The following CADPS variants were observed in gnomAD, a reference collection of about 807,000 sequenced individuals.
CADPS encodes the protein calcium-dependent secretion activator 1.
Under a neutral mutation model 167.3 loss-of-function variants are expected in CADPS, and 57 were observed. That is an observed-to-expected ratio of 0.34 (90% CI 0.28 to 0.42). The LOEUF is 0.42. Among genes scored for constraint, CADPS ranks in the 20% least tolerant of loss-of-function variants. The pLI, the probability that CADPS is intolerant of heterozygous loss-of-function variation, is 1.00. For missense variants in CADPS, 1,414 were observed against 1,738.1 expected, an observed-to-expected ratio of 0.81 and a Z score of 3.32; for synonymous variants, 676 against 635.3, an observed-to-expected ratio of 1.06 and a Z score of -0.96.
rs576876036 is a variant in CADPS, at chr3:62,693,022, T to C, written c.889-30628A>G. 2.6e-4 allele frequency among the ~76,000 whole-genome samples: 24 copies of C among 93,234 alleles called. No homozygotes were observed. In the Admixed American group the frequency reaches 2.9e-3, roughly 11 times the overall value. The allele number at this position is 93,234 out of a possible 152,430, so 61.2% of individuals were successfully genotyped here. A position where few individuals can be genotyped will look rare whatever the true frequency, so the allele number is the denominator to read the frequency against. ...TCACTGGTTGTTTTTTCTTCAATCG[T>C]TTACCAATTTCTTGGCCATCAAGTT... On this transcript the variant is annotated intron_variant, in intron 3 of 29. Transcript: ENST00000383710.
chr3:62,556,951 G>C (rs962501911), intron 10 of CADPS, among the ~76,000 whole-genome samples: 3 of 149,758 alleles, frequency 2.0e-5, no homozygotes, highest in Non-Finnish European at 4.4e-5. Context: ...AGGCTCCCTT[G>C]GTCACTGAAA....
intron 26 of CADPS, among the ~76,000 whole-genome samples, chr3:62,456,646 AG>A (rs1414301055): frequency 2.0e-5 from 3 of 152,116 alleles, no homozygotes; most frequent in African/African-American, 7.2e-5. Flanking sequence ...ATCTAACACC[AG>A]TAGCATCTGA....
At chr3:62,585,379 T>C (rs1256539669) in intron 7 of CADPS, 55 bp from the exon 8 acceptor site, 4 of 1,559,792 alleles carry the variant, frequency 2.6e-6, no homozygotes, top group East Asian at 2.3e-5. Flanking sequence ...TATGTTTTTA[T>C]AGATTAGAAA....
At chr3:62,577,038 C>A (rs1159963425) in intron 8 of CADPS, among the ~76,000 whole-genome samples, 1 of 151,882 alleles carries the variant, frequency 6.6e-6, no homozygotes, top group Non-Finnish European at 1.5e-5. Context: ...AGTGAGCGAG[C>A]TACAAAGGAT....
At chr3:62,720,144 A>T (rs1389252662) in intron 3 of CADPS, among the ~76,000 whole-genome samples, 2 of 152,168 alleles carry the variant, frequency 1.3e-5, no homozygotes, top group African/African-American at 4.8e-5. Context: ...TGACTCATGG[A>T]AGAGCTGAAT....
intron 3 of CADPS, among the ~76,000 whole-genome samples, chr3:62,718,405 G>A (rs1418375428): frequency 6.6e-6 from 1 of 152,198 alleles, no homozygotes; most frequent in African/African-American, 2.4e-5. Flanking sequence ...CCTGTAAAGA[G>A]TTTCTAGACT....
At chr3:62,445,726 A>AT in intron 27 of CADPS, 39 bp downstream of exon 27, 2 of 1,196,722 alleles carry the variant, frequency 1.7e-6, no homozygotes, top group Non-Finnish European at 2.3e-6. Context: ...AAAAAAAAAA[A>AT]CAAAAAAACC....
intron 3 of CADPS, among the ~76,000 whole-genome samples, chr3:62,668,312 G>A (rs997715469): frequency 1.3e-5 from 2 of 152,208 alleles, no homozygotes; most frequent in African/African-American, 2.4e-5. Flanking sequence ...AGGAGTTTCA[G>A]GGATAATGTA....
At chr3:62,592,356 C>T (rs1296822660) in intron 7 of CADPS, among the ~76,000 whole-genome samples, 2 of 152,168 alleles carry the variant, frequency 1.3e-5, no homozygotes, top group African/African-American at 2.4e-5. Context: ...CAAATCTTAA[C>T]TCTAAAGGAT....
chr3:62,618,841 G>C (rs1217628831), intron 6 of CADPS, among the ~76,000 whole-genome samples: 1 of 152,144 alleles, frequency 6.6e-6, no homozygotes, highest in East Asian at 1.9e-4. Flanking sequence ...TTCATTTGTT[G>C]GCACCTAGAA....
intron 26 of CADPS, among the ~76,000 whole-genome samples, chr3:62,452,269 G>A (rs970137918): frequency 4.6e-5 from 7 of 152,254 alleles, no homozygotes; most frequent in African/African-American, 1.7e-4. Flanking sequence ...AAGTCAGGTT[G>A]TTTTAGTGAA....
intron 2 of CADPS, among the ~76,000 whole-genome samples, chr3:62,764,157 A>T (rs1465874447): frequency 1.3e-5 from 2 of 152,170 alleles, no homozygotes; most frequent in Non-Finnish European, 2.9e-5. Context: ...GCTTGGCCTG[A>T]CAAGGGTTCT....
rs371913176 is a variant in CADPS, at chr3:62,411,675, G to A, written c.3778-8490C>T. The stretch of plus-strand genomic sequence containing the variant: ...GGGTCTCTCAGGTCTAACGATTACC[G>A]GGGATCTGGTTGTATTTGGTGTTCT... On this transcript the variant is annotated intron_variant, in intron 28 of 29. Coordinates refer to ENST00000383710, the MANE Select transcript of CADPS (RefSeq NM_003716.4). 3.4e-4 allele frequency among the ~76,000 whole-genome samples: 51 copies of A among 152,238 alleles called. 2 individuals are homozygous for A. The highest frequency in any genetic ancestry group is 1.2e-3 in the African/African-American group (49 of 41,548).
Position 62,716,063 on chromosome 3 carries a change from A to G in CADPS, c.888+37378T>C, listed in dbSNP as rs546872430. Among the ~76,000 whole-genome samples the G allele has an allele frequency of 2.0e-3, 216 of 105,948 alleles. 4 individuals are homozygous for G. Among genetic ancestry groups the G allele is most frequent in the Admixed American group, 0.018 (175 of 9,872 alleles). The allele number at this position is 105,948 out of a possible 152,430, so 69.5% of individuals were successfully genotyped here. On this transcript the variant is annotated intron_variant, in intron 3 of 29. Coordinates refer to ENST00000383710, the MANE Select transcript of CADPS (RefSeq NM_003716.4). ...TCCGACCATAAATCTATTTTTTAAA[A>G]AACACTTTTTTTTTGAGACAGAGTT... is the stretch of plus-strand genomic sequence containing the variant.
chr3:62,614,264 G>A (rs2061927544), intron 6 of CADPS, among the ~76,000 whole-genome samples: 1 of 152,134 alleles, frequency 6.6e-6, no homozygotes, highest in Non-Finnish European at 1.5e-5. Context: ...TGAAGCTTAG[G>A]AATAAATAAT....
At chr3:62,649,479 C>T (rs1263455648) in intron 5 of CADPS, among the ~76,000 whole-genome samples, 2 of 148,028 alleles carry the variant, frequency 1.4e-5, no homozygotes, top group Non-Finnish European at 3.0e-5. Flanking sequence ...CATTAATCCA[C>T]TTCCTATTTC....
At chr3:62,449,803 G>GTA (rs1460246994) in intron 26 of CADPS, among the ~76,000 whole-genome samples, 2 of 151,526 alleles carry the variant, frequency 1.3e-5, no homozygotes, top group African/African-American at 4.8e-5. Flanking sequence ...AAAAGAGTGT[G>GTA]TGTGTGTGTG....
intron 28 of CADPS, among the ~76,000 whole-genome samples, chr3:62,434,334 G>A (rs977380449): frequency 6.6e-6 from 1 of 152,068 alleles, no homozygotes; most frequent in Admixed American, 6.5e-5. Flanking sequence ...ACAGTTTGCC[G>A]ATTCTTTTCT....
In CADPS at chr3:62,599,717, T is replaced by A. The variant is rs546347906; in HGVS notation, c.1326-6969A>T. Among the ~76,000 whole-genome samples, 271 of 44,050 alleles carry A rather than the reference T, an allele frequency of 6.2e-3. 12 individuals carry two copies. The highest frequency in any genetic ancestry group is 0.03 in the African/African-American group (248 of 8,346). 28.9% of individuals were successfully genotyped at this position (44,050 alleles called of 152,430 possible). The stretch of plus-strand genomic sequence containing the variant: ...TATAATATATATATTATATAATATA[T>A]AATATATATAGTATATATAATATAT... On this transcript the variant is annotated intron_variant, in intron 6 of 29. Coordinates refer to ENST00000383710, the MANE Select transcript of CADPS (RefSeq NM_003716.4).
Sources: gnomAD v4.1 joint callset for allele counts (sites outside exome capture counted in the v4.1 genomes callset) on GRCh38, gnomAD v4.1.1 for gene constraint, MANE v1.5 for transcripts, NCBI Gene and HGNC (gene_info 2026-07-23, HGNC 2026-07-21) for gene names.